Variants in PDE4D observed in about 807,000 individuals in gnomAD.
The protein encoded by PDE4D is 3',5'-cyclic-AMP phosphodiesterase 4D.
A neutral mutation model predicts 87.4 loss-of-function variants in PDE4D; 24 were observed. That is an observed-to-expected ratio of 0.27 (90% CI 0.20 to 0.39). The LOEUF (loss-of-function observed/expected upper bound fraction) is 0.39, where lower values mean the gene tolerates loss of function less well. PDE4D is among the 10% of genes least tolerant of loss of function. The pLI, the probability that PDE4D is intolerant of heterozygous loss-of-function variation, is 1.00. For synonymous variants in PDE4D, 384 were observed against 383.2 expected (o/e 1.00, Z -0.02); for missense variants, 714 against 1,041.0 (o/e 0.69, Z 4.32).
intron 1 of PDE4D, among the ~76,000 whole-genome samples, chr5:59,391,909 C>G (rs1298637735): frequency 2.7e-5 from 4 of 149,574 alleles, no homozygotes; most frequent in Non-Finnish European, 4.4e-5. Context: ...AAATCTTCCC[C>G]ATACATATTT....
At chr5:59,080,772 G>A (rs1766594324) in intron 5 of PDE4D, among the ~76,000 whole-genome samples, 1 of 152,118 alleles carries the variant, frequency 6.6e-6, no homozygotes, top group Non-Finnish European at 1.5e-5. Flanking sequence ...ACTCACAAAT[G>A]AGAAATGCTA....
chr5:59,364,627 A>C (rs1782752384), intron 1 of PDE4D, among the ~76,000 whole-genome samples: 1 of 152,202 alleles, frequency 6.6e-6, no homozygotes, highest in Non-Finnish European at 1.5e-5. Flanking sequence ...TTTAGGTCTC[A>C]CCAGGCACTG....
At chr5:59,206,815 A>G (rs1581382817) in intron 2 of PDE4D, among the ~76,000 whole-genome samples, 1 of 152,292 alleles carries the variant, frequency 6.6e-6, no homozygotes, top group East Asian at 1.9e-4. Flanking sequence ...GGTGGAAAAC[A>G]CGTATTGGTC....
At position 59,893,142 on chromosome 5, in the gene PDE4D, TG is replaced by T. The variant is rs766935225; in HGVS notation, c.455+25del. 4 of 1,540,142 alleles carry T rather than the reference TG, an allele frequency of 2.6e-6. No homozygotes were observed. In the African/African-American group the frequency reaches 4.1e-5, roughly 16 times the overall value. On this transcript the variant is annotated intron_variant, in intron 1 of 14. Coordinates refer to ENST00000340635, the MANE Select transcript of PDE4D (RefSeq NM_001104631.2). ...AAGGGGAGGTGACCCTTTGCCTGAATGGGGGAGGGGGCGCTCTCCACTCACC... is the reference window on the plus strand; with the variant it reads ...AAGGGGAGGTGACCCTTTGCCTGAATGGGGAGGGGGCGCTCTCCACTCACC...
At chr5:59,393,608 A>G (rs1788681066) in intron 1 of PDE4D, among the ~76,000 whole-genome samples, 1 of 152,238 alleles carries the variant, frequency 6.6e-6, no homozygotes, top group Non-Finnish European at 1.5e-5. Context: ...ACCAATATTT[A>G]GGGACGTTCC....
chr5:60,346,293 T>C (rs1379170315), intron 1 of PDE4D, among the ~76,000 whole-genome samples: 1 of 152,180 alleles, frequency 6.6e-6, no homozygotes, highest in African/African-American at 2.4e-5. Context: ...GTCCAGAGCA[T>C]GTCAGATGTG....
intron 11 of PDE4D, among the ~76,000 whole-genome samples, chr5:58,983,718 G>A (rs1454691351): frequency 1.3e-5 from 2 of 152,168 alleles, no homozygotes; most frequent in African/African-American, 4.8e-5. Context: ...GGATCATGTG[G>A]CCCATGTGCA....
chr5:59,414,157 C>A (rs1185311493), intron 1 of PDE4D, among the ~76,000 whole-genome samples: 1 of 152,200 alleles, frequency 6.6e-6, no homozygotes, highest in South Asian at 2.1e-4. Context: ...TGAACCCTCA[C>A]TGAATGCCAG....
chr5:59,759,110 T>C (rs1237693383), intron 1 of PDE4D, among the ~76,000 whole-genome samples: 1 of 152,126 alleles, frequency 6.6e-6, no homozygotes, highest in Non-Finnish European at 1.5e-5. Context: ...AGCTTCTTCC[T>C]GAAAGTGCTA....
intron 1 of PDE4D, chr5:59,768,155 C>T (rs995397044): frequency 3.4e-6 from 5 of 1,453,434 alleles, no homozygotes; most frequent in Non-Finnish European, 4.7e-6. Context: ...TGATGATGGT[C>T]CTCCCTCCCT....
At chr5:60,499,955 C>T (rs1749992080) in intron 1 of PDE4D, among the ~76,000 whole-genome samples, 1 of 152,170 alleles carries the variant, frequency 6.6e-6, no homozygotes, top group South Asian at 2.1e-4. Flanking sequence ...GAAACATTCA[C>T]TCAATTTTGA....
intron 1 of PDE4D, among the ~76,000 whole-genome samples, chr5:59,636,763 T>C (rs1832303495): frequency 6.6e-6 from 1 of 152,160 alleles, no homozygotes; most frequent in Non-Finnish European, 1.5e-5. Context: ...TCAAGATGGA[T>C]TAAAGACTTA....
At chr5:59,934,391 T>C (rs1011233065) in intron 3 of PDE4D, among the ~76,000 whole-genome samples, 1 of 152,184 alleles carries the variant, frequency 6.6e-6, no homozygotes, top group Non-Finnish European at 1.5e-5. Flanking sequence ...ACAGACTTGG[T>C]CAGGGAGTGT....
chr5:60,359,788 A>G (rs1490835496), intron 1 of PDE4D, among the ~76,000 whole-genome samples: 1 of 152,146 alleles, frequency 6.6e-6, no homozygotes. Flanking sequence ...TTATGGAATC[A>G]TTTGGTAAAT....
chr5:59,753,375 G>T (rs934620528), intron 1 of PDE4D, among the ~76,000 whole-genome samples: 2 of 152,026 alleles, frequency 1.3e-5, no homozygotes, highest in South Asian at 2.1e-4. Flanking sequence ...ATTTTTTCTG[G>T]TTTTTTGGGA....
At chr5:59,071,629 CCTCT>C (rs928503573) in intron 5 of PDE4D, among the ~76,000 whole-genome samples, 4 of 147,508 alleles carry the variant, frequency 2.7e-5, no homozygotes, top group Non-Finnish European at 6.0e-5. Flanking sequence ...TATTTCTTCT[CCTCT>C]CTCTGATGAT....
chr5:59,348,928 T>A (rs1282257936), intron 1 of PDE4D, among the ~76,000 whole-genome samples: 1 of 151,750 alleles, frequency 6.6e-6, no homozygotes, highest in Non-Finnish European at 1.5e-5. Flanking sequence ...AAATATATAT[T>A]TTTTAAGCCA....
At chr5:60,036,694 CCAAAAAG>C (rs1767844847) in intron 2 of PDE4D, among the ~76,000 whole-genome samples, 1 of 152,174 alleles carries the variant, frequency 6.6e-6, no homozygotes, top group Non-Finnish European at 1.5e-5. Context: ...TGTCCTCTTA[CCAAAAAG>C]CAAACACAAG....
intron 1 of PDE4D, among the ~76,000 whole-genome samples, chr5:60,374,356 A>G (rs1294215756): frequency 6.6e-6 from 1 of 152,228 alleles, no homozygotes; most frequent in Non-Finnish European, 1.5e-5. Flanking sequence ...AGAGCAAAAA[A>G]GAATGGCACT....
Sources: gnomAD v4.1 joint callset for allele counts (sites outside exome capture counted in the v4.1 genomes callset) on GRCh38, gnomAD v4.1.1 for gene constraint, MANE v1.5 for transcripts, NCBI Gene and HGNC (gene_info 2026-07-23, HGNC 2026-07-21) for gene names.